The following PKHD1L1 variants were observed in gnomAD, a reference collection of about 807,000 sequenced individuals.
PKHD1L1 encodes PKHD1 like 1.
Under a neutral mutation model 462.9 loss-of-function variants are expected in PKHD1L1, and 434 were observed. The observed-to-expected ratio is 0.94, with a 90% CI of 0.87 to 1.02. The LOEUF is 1.02. PKHD1L1 is among the 50% of genes least tolerant of loss of function. The probability of loss-of-function intolerance (pLI) is 0.00; values close to 1 mark genes in which losing one functional copy is unlikely to be tolerated. For synonymous variants in PKHD1L1, 1,781 were observed against 1,750.0 expected (o/e 1.02, Z -0.44); for missense variants, 5,202 against 5,096.1 (o/e 1.02, Z -0.63).
Position 109,444,661 on chromosome 8 carries a change from G to A in PKHD1L1, c.4792G>A (p.Val1598Ile). 2 of 1,609,170 alleles carry A rather than the reference G, an allele frequency of 1.2e-6. No homozygotes were observed. Among genetic ancestry groups the A allele is most frequent in the Non-Finnish European group, 1.7e-6 (2 of 1,176,626 alleles). The change falls in exon 38 of 78, where the codon GTT becomes ATT. Residue 1598 changes from valine (V) to isoleucine (I), a missense_variant and splice_region_variant. Physicochemically the swap from Val to Ile is conservative, Grantham distance 29. This residue lies in a region of PKHD1L1 where 4,497 missense variants were observed against 4,336.8 expected (regional missense o/e 1.04). Transcript: ENST00000378402. ...GFSNLPWANKVTIGSYPCVVE... is the reference protein window; with the variant it reads ...GFSNLPWANKITIGSYPCVVE... ...TATTTTGTATTCATTTTACTTACAG[G>A]TTACAATTGGTAGCTACCCCTGTGT...
rs1563544839 is a variant in PKHD1L1, at chr8:109,440,778, TG to T, written c.4026del (p.Leu1342PhefsTer9). ...AGCATGTTTCCACAAAGAGGCTCCT[TG>T]TTTGGTGGAACTGAAATCACCATAA... The part of the protein sequence containing the change: ...VTSMFPQRGS[L>X]FGGTEITIRG... On this transcript the variant is annotated frameshift_variant, in exon 33 of 78. Transcript: ENST00000378402. LOFTEE classifies it high-confidence loss of function. 1 of 1,613,202 alleles carries T rather than the reference TG, an allele frequency of 6.2e-7. No individual in the cohort carries two copies. The highest frequency in any genetic ancestry group is 8.5e-7 in the Non-Finnish European group (1 of 1,179,350).
intron 70 of PKHD1L1, among the ~76,000 whole-genome samples, chr8:109,509,541 G>A (rs1819866123): frequency 6.6e-6 from 1 of 150,824 alleles, no homozygotes; most frequent in African/African-American, 2.4e-5. Flanking sequence ...AATCACTGAA[G>A]CTTGGGATGT....
intron 45 of PKHD1L1, 108 bp downstream of exon 45, chr8:109,454,960 T>C (rs2130798900): frequency 7.4e-7 from 1 of 1,357,146 alleles, no homozygotes; most frequent in Non-Finnish European, 9.8e-7. Context: ...AGTGAAAGTG[T>C]GTTAGGCTTC....
Position 109,443,727 on chromosome 8 carries a change from C to G in PKHD1L1, c.4616C>G (p.Thr1539Arg), listed in dbSNP as rs7820062. 5,983 of 1,613,602 alleles carry G rather than the reference C, an allele frequency of 3.7e-3. 175 individuals are homozygous for G. In the African/African-American group the frequency reaches 0.071, roughly 19 times the overall value. Reference sequence around the variant, plus strand: ...AGCTCTGTGGCAGGCTGCCTAGCAACAGAACCCCTGTGCAGCCTGAACAAT... The same window carrying G: ...AGCTCTGTGGCAGGCTGCCTAGCAAGAGAACCCCTGTGCAGCCTGAACAAT... ...LGSSVAGCLA[T>R]EPLCSLNNTR... is the part of the protein sequence containing the mutation. Residue 1539 changes from threonine (T) to arginine (R), a missense_variant, in exon 37 of 78, where the codon ACA becomes AGA. Coordinates refer to ENST00000378402, the MANE Select transcript of PKHD1L1 (RefSeq NM_177531.6).
chr8:109,435,272 A>G lies in PKHD1L1; in HGVS notation c.3423A>G (p.Ala1141=). The G allele has an allele frequency of 6.2e-7, 1 of 1,613,908 alleles. No homozygotes were observed. The part of the protein sequence containing the change: ...VAVSMADVGL[A]QNVGGEEFYF... ...TGTCCATGGCTGATGTTGGACTAGC[A>G]CAGAATGTAGGGGGTGAAGAGTTCT... The change falls in exon 29 of 78, where the codon GCA becomes GCG. Residue 1141 remains alanine, a synonymous_variant. Coordinates refer to ENST00000378402, the MANE Select transcript of PKHD1L1 (RefSeq NM_177531.6).
At chr8:109,400,914 T>C (rs1813239236) in intron 13 of PKHD1L1, among the ~76,000 whole-genome samples, 1 of 152,106 alleles carries the variant, frequency 6.6e-6, no homozygotes, top group Non-Finnish European at 1.5e-5. Flanking sequence ...AAAGTAACAT[T>C]TTATGACTCA....
Position 109,408,102 on chromosome 8 carries a change from G to C in PKHD1L1, c.1867G>C (p.Asp623His), listed in dbSNP as rs1442672389. The C allele has an allele frequency of 6.2e-7, 1 of 1,613,012 alleles. No individual in the cohort carries two copies. Among genetic ancestry groups the C allele is most frequent in the Non-Finnish European group, 8.5e-7 (1 of 1,179,434 alleles). ...AGTTGAAGGGAATAATGTCACACTG[G>C]ATATTACAGAACAAACCAAAGGAAA... ...EVVEGNNVTLDITEQTKGKPN... is the reference protein window; with the variant it reads ...EVVEGNNVTLHITEQTKGKPN... The change falls in exon 18 of 78, where the codon GAT becomes CAT. Residue 623 changes from aspartate to histidine, a missense_variant. By Grantham distance (81) the Asp-to-His change is moderately conservative (BLOSUM62 -1). Coordinates refer to ENST00000378402, the MANE Select transcript of PKHD1L1 (RefSeq NM_177531.6).
intron 25 of PKHD1L1, 91 bp from the exon 26 acceptor site, chr8:109,429,249 C>T: frequency 9.1e-7 from 1 of 1,097,396 alleles, no homozygotes; most frequent in African/African-American, 1.6e-5. Context: ...GACTTTTATT[C>T]ACCTTTGCCT....
At chr8:109,395,480 T>C (rs982419078) in intron 10 of PKHD1L1, among the ~76,000 whole-genome samples, 1 of 152,216 alleles carries the variant, frequency 6.6e-6, no homozygotes, top group Non-Finnish European at 1.5e-5. Flanking sequence ...TTATTTAGTG[T>C]GAAATTCATA....
Position 109,464,914 on chromosome 8 carries a change from A to T in PKHD1L1, c.8082A>T (p.Gly2694=). 1 of 1,613,802 alleles carries T rather than the reference A, an allele frequency of 6.2e-7. No individual in the cohort carries two copies. Among genetic ancestry groups the T allele is most frequent in the Non-Finnish European group, 8.5e-7 (1 of 1,179,776 alleles). ...ETKRILAPYV[G]GWGETNGAVI... ...AGAGGATCCTGGCTCCTTATGTTGG[A>T]GGGTGGGGTGAAACCAATGGAGCGG... Residue 2694 remains glycine, a synonymous_variant, in exon 49 of 78, where the codon GGA becomes GGT. Transcript: ENST00000378402.
At chr8:109,422,182 G>A (rs891246729) in intron 23 of PKHD1L1, among the ~76,000 whole-genome samples, 1 of 151,962 alleles carries the variant, frequency 6.6e-6, no homozygotes, top group African/African-American at 2.4e-5. Flanking sequence ...AAATTGACAT[G>A]ATAAAATCCA....
At chr8:109,365,967 C>T (rs1206393759) in intron 2 of PKHD1L1, among the ~76,000 whole-genome samples, 2 of 152,124 alleles carry the variant, frequency 1.3e-5, no homozygotes, top group South Asian at 2.1e-4. Flanking sequence ...AGCGAGTCTC[C>T]ATCTCAAAGA....
At position 109,381,427 on chromosome 8, in the gene PKHD1L1, G is replaced by A. The variant is rs1326822698; in HGVS notation, c.221G>A (p.Ser74Asn). ...GTTGATAACGCTGAGTTGGGAAACA[G>A]TGTGCAATTAATTTCTTCTTTCCAG... ...YGVDNAELGNSVQLISSFQSI... is the reference protein window; with the variant it reads ...YGVDNAELGNNVQLISSFQSI... The change falls in exon 3 of 78, where the codon AGT becomes AAT. Residue 74 changes from serine (S) to asparagine (N), a missense_variant. Ser to Asn is a conservative substitution (Grantham distance 46). This residue lies in a region of PKHD1L1 where 4,497 missense variants were observed against 4,336.8 expected (regional missense o/e 1.04). Coordinates refer to ENST00000378402, the MANE Select transcript of PKHD1L1 (RefSeq NM_177531.6). 12 of 1,583,840 alleles carry A rather than the reference G, an allele frequency of 7.6e-6. No individual in the cohort carries two copies. Among genetic ancestry groups the A allele is most frequent in the African/African-American group, 2.7e-5 (2 of 74,402 alleles).
chr8:109,410,078 G>A (rs1813758605), intron 19 of PKHD1L1, 100 bp downstream of exon 19: 2 of 650,588 alleles, frequency 3.1e-6, no homozygotes, highest in Non-Finnish European at 4.8e-6. Flanking sequence ...TAATAACTTT[G>A]TTATTCACAG....
chr8:109,389,254 G>A, intron 8 of PKHD1L1, 102 bp downstream of exon 8: 2 of 863,788 alleles, frequency 2.3e-6, no homozygotes, highest in Admixed American at 5.5e-5. Context: ...TTTGGATCAG[G>A]TGTTTTTGTT....
chr8:109,464,339 G>C lies in PKHD1L1; in HGVS notation c.7507G>C (p.Val2503Leu), dbSNP rs1166700434. The C allele has an allele frequency of 6.2e-7, 1 of 1,613,250 alleles. No individual in the cohort carries two copies. The highest frequency in any genetic ancestry group is 8.5e-7 in the Non-Finnish European group (1 of 1,179,570). Residue 2503 changes from valine (V) to leucine (L), a missense_variant, in exon 49 of 78, where the codon GTT (valine) becomes CTT (leucine). This residue lies in a region of PKHD1L1 where 4,497 missense variants were observed against 4,336.8 expected (regional missense o/e 1.04). Transcript: ENST00000378402. The stretch of plus-strand genomic sequence containing the variant: ...AATTCACCAGGCCTATAACAGAGCT[G>C]TTACTATTCATAACACACACCATCT... Reference protein sequence around the residue: ...CAIHQAYNRAVTIHNTHHLLV... With the variant: ...CAIHQAYNRALTIHNTHHLLV...
chr8:109,437,236 T>TA (rs1163648889), intron 30 of PKHD1L1, among the ~76,000 whole-genome samples: 10 of 152,322 alleles, frequency 6.6e-5, no homozygotes, highest in Admixed American at 5.9e-4. Context: ...TTAAATGTGT[T>TA]AAAGTTTTAG....
chr8:109,416,758 C>G (rs1814195736), intron 21 of PKHD1L1, among the ~76,000 whole-genome samples: 1 of 152,088 alleles, frequency 6.6e-6, no homozygotes, highest in Non-Finnish European at 1.5e-5. Context: ...TGGCAAGGAG[C>G]ATGAAAAGTC....
chr8:109,430,061 T>C (rs1815008101), intron 27 of PKHD1L1, 24 bp downstream of exon 27: 11 of 1,465,954 alleles, frequency 7.5e-6, no homozygotes, highest in Admixed American at 2.0e-5. Context: ...TTTTAACCTA[T>C]ACTGGGTGTG....
Sources: gnomAD v4.1 joint callset for allele counts (sites outside exome capture counted in the v4.1 genomes callset) on GRCh38, gnomAD v4.1.1 for gene constraint, gnomAD v4.1.1 regional missense constraint, MANE v1.5 for transcripts, NCBI Gene and HGNC (gene_info 2026-07-23, HGNC 2026-07-21) for gene names.